AVL9: variants seen among roughly 807,000 people sequenced by gnomAD.
AVL9 encodes late secretory pathway protein AVL9 homolog.
AVL9 carries 49 observed loss-of-function variants against 79.2 expected under a neutral mutation model. The ratio of observed to expected loss-of-function variants is 0.62; its 90% CI spans 0.49 to 0.79. The LOEUF (loss-of-function observed/expected upper bound fraction) is 0.79, where lower values mean the gene tolerates loss of function less well. AVL9 is among the 30% of genes least tolerant of loss of function. The pLI, the probability that AVL9 is intolerant of heterozygous loss-of-function variation, is 0.00. For synonymous variants in AVL9, 299 were observed against 280.6 expected, an observed-to-expected ratio of 1.07 and a Z score of -0.65; for missense variants, 682 against 776.8, an observed-to-expected ratio of 0.88 and a Z score of 1.45.
intron 1 of AVL9, among the ~76,000 whole-genome samples, chr7:32,496,038 G>T (rs1220294348): frequency 6.6e-6 from 1 of 151,928 alleles, no homozygotes; most frequent in Non-Finnish European, 1.5e-5. Context: ...CGGAGGAGCT[G>T]GTTGATACGT....
intron 1 of AVL9, among the ~76,000 whole-genome samples, chr7:32,540,277 T>C (rs1427657156): frequency 6.6e-6 from 1 of 152,226 alleles, no homozygotes; most frequent in Admixed American, 6.5e-5. Context: ...AGAGTATCTA[T>C]GGGATAAATT....
At chr7:32,526,327 G>T (rs1788397816) in intron 1 of AVL9, among the ~76,000 whole-genome samples, 2 of 152,276 alleles carry the variant, frequency 1.3e-5, no homozygotes, top group South Asian at 4.1e-4. Flanking sequence ...CCAATCTAAG[G>T]GTCCCTAGCA....
Position 32,584,101 on chromosome 7 carries a change from A to C in AVL9, c.*194A>C. On this transcript the variant is annotated 3_prime_UTR_variant, in exon 16 of 16. Transcript: ENST00000318709. The stretch of plus-strand genomic sequence containing the variant: ...ACAGCCATAGCAGGGATGGCTTTCC[A>C]GGTTGGGGTTTCAATTGACTACTTT... 1.6e-6 allele frequency: 1 copy of C among 631,352 alleles called. No individual in the cohort carries two copies. The highest frequency in any genetic ancestry group is 2.9e-6 in the Non-Finnish European group (1 of 341,508). 39.1% of individuals were successfully genotyped at this position (631,352 alleles called of 1,614,324 possible). A position where few individuals can be genotyped will look rare whatever the true frequency, so the allele number is the denominator to read the frequency against.
Position 32,585,482 on chromosome 7 carries a change from A to G in AVL9, c.*1575A>G, listed in dbSNP as rs187767374. On this transcript the variant is annotated 3_prime_UTR_variant, in exon 16 of 16. Coordinates refer to ENST00000318709, the MANE Select transcript of AVL9 (RefSeq NM_015060.3). ...CCTGGGATGGCTGTTCTCAGAGAGT[A>G]CTTACGGGGAACAGACTGCCTTTTA... is the stretch of plus-strand genomic sequence containing the variant. 64 of 152,310 alleles carry G rather than the reference A, an allele frequency of 4.2e-4. No individual in the cohort carries two copies. The highest frequency in any genetic ancestry group is 1.5e-3 in the African/African-American group (61 of 41,546). 9.4% of individuals were successfully genotyped at this position (152,310 alleles called of 1,614,324 possible). A position where few individuals can be genotyped will look rare whatever the true frequency, so the allele number is the denominator to read the frequency against.
chr7:32,529,636 A>C (rs1200310268), intron 1 of AVL9, among the ~76,000 whole-genome samples: 1 of 152,184 alleles, frequency 6.6e-6, no homozygotes, highest in East Asian at 1.9e-4. Context: ...TAGGACTGGA[A>C]CTCAATGCTT....
chr7:32,569,663 A>G (rs1215042911), intron 10 of AVL9, among the ~76,000 whole-genome samples: 2 of 152,256 alleles, frequency 1.3e-5, no homozygotes, highest in Non-Finnish European at 2.9e-5. Context: ...TAAACAACGT[A>G]CTTACTAACA....
At chr7:32,534,984 CCTT>C (rs1402212327) in intron 1 of AVL9, 4 of 152,120 alleles carry the variant, frequency 2.6e-5, no homozygotes, top group African/African-American at 9.7e-5. Context: ...ATTTAGTCAT[CCTT>C]CTCTTCCTGG....
chr7:32,498,644 G>T (rs541853134), intron 1 of AVL9, among the ~76,000 whole-genome samples: 33 of 150,852 alleles, frequency 2.2e-4, no homozygotes, highest in African/African-American at 8.0e-4. Flanking sequence ...GTAACTTGTG[G>T]AAGTAAATTC....
At chr7:32,506,993 A>G (rs1159218011) in intron 1 of AVL9, among the ~76,000 whole-genome samples, 2 of 152,194 alleles carry the variant, frequency 1.3e-5, no homozygotes, top group Non-Finnish European at 2.9e-5. Flanking sequence ...AAATCCAGTA[A>G]TATATAAAAG....
chr7:32,583,917 C>T lies in AVL9; in HGVS notation c.*10C>T. 6.3e-7 allele frequency: 1 copy of T among 1,595,374 alleles called. No homozygotes were observed. The highest frequency in any genetic ancestry group is 8.6e-7 in the Non-Finnish European group (1 of 1,163,094). On this transcript the variant is annotated 3_prime_UTR_variant, in exon 16 of 16. Transcript: ENST00000318709. ...AGATGAGAAGCCTTGAGCAAGGCGTCAGAGGCTGCTATTGCTTTCTGAGGT... is the reference window on the plus strand; with the variant it reads ...AGATGAGAAGCCTTGAGCAAGGCGTTAGAGGCTGCTATTGCTTTCTGAGGT...
In AVL9 at chr7:32,543,290, G is replaced by T. The variant is rs777065637; in HGVS notation, c.214+29G>T. ...TGTAACAAGACAGTGAAGCAGTTAG[G>T]TGCCATTTTTGAAAAAATTTGCCAA... On this transcript the variant is annotated intron_variant, in intron 2 of 15. Coordinates refer to ENST00000318709, the MANE Select transcript of AVL9 (RefSeq NM_015060.3). 28 of 1,601,302 alleles carry T rather than the reference G, an allele frequency of 1.7e-5. 1 individual carries two copies. The highest frequency in any genetic ancestry group is 5.3e-5 in the Admixed American group (3 of 56,526).
chr7:32,505,681 T>C (rs942183474), intron 1 of AVL9, among the ~76,000 whole-genome samples: 8 of 152,184 alleles, frequency 5.3e-5, no homozygotes, highest in East Asian at 3.8e-4. Context: ...GTAGGAGATA[T>C]AGTGACAGTT....
At position 32,495,797 on chromosome 7, in the gene AVL9, T is replaced by C; in HGVS notation, c.88T>C (p.Cys30Arg). ...GGTCGGATTTCACCACAAGAAGGGCTGCCAGGTGAGGAAAGGGCCCGCCCC... is the reference window on the plus strand; with the variant it reads ...GGTCGGATTTCACCACAAGAAGGGCCGCCAGGTGAGGAAAGGGCCCGCCCC... ...VVVGFHHKKGCQVEFSYPPLI... is the reference protein window; with the variant it reads ...VVVGFHHKKGRQVEFSYPPLI... Residue 30 changes from cysteine (C) to arginine (R), a missense_variant, in exon 1 of 16, where the codon TGC (cysteine) becomes CGC (arginine). Transcript: ENST00000318709. The C allele has an allele frequency of 7.9e-7, 1 of 1,258,188 alleles. No individual in the cohort carries two copies. Among genetic ancestry groups the C allele is most frequent in the South Asian group, 3.5e-5 (1 of 28,636 alleles). 77.9% of individuals were successfully genotyped at this position (1,258,188 alleles called of 1,614,324 possible).
At chr7:32,583,636 T>C (rs1186910871) in intron 15 of AVL9, among the ~76,000 whole-genome samples, 156 bp from the exon 16 acceptor site, 3 of 152,190 alleles carry the variant, frequency 2.0e-5, no homozygotes, top group African/African-American at 7.2e-5. Flanking sequence ...CCGTGACCAC[T>C]GCACTGCACT....
At chr7:32,526,797 A>G (rs993687881) in intron 1 of AVL9, among the ~76,000 whole-genome samples, 1 of 152,120 alleles carries the variant, frequency 6.6e-6, no homozygotes, top group Admixed American at 6.5e-5. Flanking sequence ...GAAAGGAATA[A>G]AAAGGGAAAC....
At chr7:32,556,170 AT>A (rs1197356904) in intron 8 of AVL9, among the ~76,000 whole-genome samples, 1 of 151,976 alleles carries the variant, frequency 6.6e-6, no homozygotes, top group Non-Finnish European at 1.5e-5. Flanking sequence ...AACATAGGTT[AT>A]TTTTTTTAAA....
intron 8 of AVL9, among the ~76,000 whole-genome samples, chr7:32,556,826 T>C (rs1265140226): frequency 2.0e-5 from 3 of 152,020 alleles, no homozygotes; most frequent in African/African-American, 7.2e-5. Context: ...AGTGCAGCGG[T>C]GTGATCATGG....
chr7:32,570,381 G>T (rs577061916), intron 11 of AVL9, among the ~76,000 whole-genome samples: 1 of 152,248 alleles, frequency 6.6e-6, no homozygotes, highest in South Asian at 2.1e-4. Flanking sequence ...AAGTAACAGA[G>T]AGATGAAGTG....
At chr7:32,560,207 CTAT>C in intron 10 of AVL9, among the ~76,000 whole-genome samples, 2 of 150,286 alleles carry the variant, frequency 1.3e-5, no homozygotes, top group South Asian at 4.2e-4. Flanking sequence ...GAGGGAGACT[CTAT>C]TATTTTTTAA....
Sources: allele counts gnomAD v4.1 joint callset (sites outside exome capture counted in the v4.1 genomes callset), GRCh38; gene constraint gnomAD v4.1.1; transcripts MANE v1.5; gene names NCBI Gene and HGNC (gene_info 2026-07-23, HGNC 2026-07-21).